LRRC37A3: variants seen among roughly 807,000 people sequenced by gnomAD.
The protein encoded by LRRC37A3 is leucine rich repeat containing 37 member A3.
A neutral mutation model predicts 106.2 loss-of-function variants in LRRC37A3; 25 were observed. That is an observed-to-expected ratio of 0.24 (90% CI 0.17 to 0.33). The LOEUF is 0.33. Among genes scored for constraint, LRRC37A3 ranks in the 10% least tolerant of loss-of-function variants. LRRC37A3 has a pLI of 1.00. For missense variants in LRRC37A3, 712 were observed against 1,644.9 expected, an observed-to-expected ratio of 0.43 and a Z score of 9.81; for synonymous variants, 305 against 635.8, an observed-to-expected ratio of 0.48 and a Z score of 7.83.
chr17:64,860,764 AG>A lies in LRRC37A3; in HGVS notation c.3381del (p.Ser1128GlnfsTer5), dbSNP rs1185149213. ...TSTLSYILPYFSAVNLDVKSL... is the reference protein window; with the variant it reads ...TSTLSYILPYXSAVNLDVKSL... ...GATTTCACATCTAGGTTAACGGCTG[AG>A]AAATAAGGTAAGATGTAACTTAGTG... On this transcript the variant is annotated frameshift_variant, in exon 12 of 15. Coordinates refer to ENST00000584306, the MANE Select transcript of LRRC37A3 (RefSeq NM_199340.5). LOFTEE classifies it high-confidence loss of function. 6.2e-7 allele frequency: 1 copy of A among 1,613,988 alleles called. No individual in the cohort carries two copies.
chr17:64,874,897 G>A (rs1268931312), intron 8 of LRRC37A3, among the ~76,000 whole-genome samples: 10 of 151,630 alleles, frequency 6.6e-5, no homozygotes, highest in Non-Finnish European at 1.5e-4. Context: ...CTTGAAGGCA[G>A]CATGCTCGTT....
chr17:64,872,396 GCCCACATCCCCAAC>G (rs1973354475), intron 8 of LRRC37A3, among the ~76,000 whole-genome samples: 1 of 152,056 alleles, frequency 6.6e-6, no homozygotes, highest in Non-Finnish European at 1.5e-5. Context: ...TTGAAAAACA[GCCCACATCCCCAAC>G]CAGAGGGAGC....
chr17:64,869,508 C>T (rs1322630895), intron 8 of LRRC37A3, among the ~76,000 whole-genome samples: 4 of 151,698 alleles, frequency 2.6e-5, no homozygotes, highest in Non-Finnish European at 4.4e-5. Flanking sequence ...TTCTAGCAAC[C>T]TCCATAATTC....
chr17:64,874,486 C>T (rs1276704816), intron 8 of LRRC37A3, among the ~76,000 whole-genome samples: 2 of 148,602 alleles, frequency 1.3e-5, no homozygotes, highest in African/African-American at 2.5e-5. Context: ...TGGGGGCCAG[C>T]CCCCGCCCGG....
chr17:64,861,705 T>C (rs982390973), intron 11 of LRRC37A3, among the ~76,000 whole-genome samples: 1 of 152,230 alleles, frequency 6.6e-6, no homozygotes, highest in Non-Finnish European at 1.5e-5. Context: ...TCTGGTATGA[T>C]AGCAGTTTCG....
At chr17:64,919,126 CTGCCGCGG>C (rs1422705390) in intron 1 of LRRC37A3, among the ~76,000 whole-genome samples, 1 of 151,648 alleles carries the variant, frequency 6.6e-6, no homozygotes, top group Non-Finnish European at 1.5e-5. Flanking sequence ...GCCCCGGCTG[CTGCCGCGG>C]TGCCGCGAGC....
chr17:64,870,030 C>G (rs930789401), intron 8 of LRRC37A3, among the ~76,000 whole-genome samples: 1 of 151,182 alleles, frequency 6.6e-6, no homozygotes, highest in South Asian at 2.1e-4. Flanking sequence ...CATGTAATCA[C>G]CTGTCCACTT....
intron 4 of LRRC37A3, among the ~76,000 whole-genome samples, chr17:64,893,754 A>C (rs923217609): frequency 7.1e-6 from 1 of 140,460 alleles, no homozygotes; most frequent in South Asian, 2.1e-4. Flanking sequence ...GGTTCACGCC[A>C]TTCTCCTGCC....
chr17:64,909,566 C>T (rs1009273930), intron 2 of LRRC37A3: 1 of 152,130 alleles, frequency 6.6e-6, no homozygotes, highest in African/African-American at 2.4e-5. Context: ...GTATTTTTAT[C>T]CTTCTCCCCA....
chr17:64,858,504 G>A (rs542640758), intron 13 of LRRC37A3, among the ~76,000 whole-genome samples: 6 of 152,166 alleles, frequency 3.9e-5, no homozygotes, highest in Admixed American at 6.5e-5. Flanking sequence ...ACATAGTTTT[G>A]GGTGGGAGAA....
rs981691628 is a variant in LRRC37A3, at chr17:64,860,227, AGC to A, written c.3917_3918del (p.Arg1306LeufsTer29). On this transcript the variant is annotated frameshift_variant, in exon 12 of 15. Transcript: ENST00000584306. LOFTEE classifies it high-confidence loss of function. The stretch of plus-strand genomic sequence containing the variant: ...GTCATGCGGGAGCGAGTTTTGTGAA[AGC>A]GGTATTTTTTTCTGGAATGTACGAT... ...KPIVHSRKKYRFHKTRSRMTH... is the reference protein window; with the variant it reads ...KPIVHSRKKYXFHKTRSRMTH... 4 of 1,613,766 alleles carry A rather than the reference AGC, an allele frequency of 2.5e-6. No individual in the cohort carries two copies. The African/African-American group carries it at 5.3e-5, about 22-fold the overall frequency.
chr17:64,869,114 A>T lies in LRRC37A3; in HGVS notation c.2959T>A (p.Leu987Met), dbSNP rs201604047. ...ACTTACAGATATTTTAATGCTGGCA[A>T]TTTAAAGAGATATGGATCTTCAACA... Reference protein sequence around the residue: ...TTVEDPYLFKLPALKYLDMGT... With the variant: ...TTVEDPYLFKMPALKYLDMGT... Residue 987 changes from leucine to methionine, a missense_variant, in exon 9 of 15, where the codon TTG becomes ATG. Transcript: ENST00000584306. The T allele has an allele frequency of 9.2e-5, 149 of 1,612,386 alleles. 2 individuals are homozygous for T. Among genetic ancestry groups the T allele is most frequent in the Non-Finnish European group, 1.1e-5 (13 of 1,179,452 alleles).
chr17:64,866,622 ATATATATT>A (rs1388374674), intron 10 of LRRC37A3, among the ~76,000 whole-genome samples: 8 of 24,514 alleles, frequency 3.3e-4, no homozygotes, highest in Non-Finnish European at 4.0e-4. Flanking sequence ...ATATATATAT[ATATATATT>A]TTTTTTTTTT....
chr17:64,868,721 C>T (rs1389202618), intron 9 of LRRC37A3, among the ~76,000 whole-genome samples, 185 bp from the exon 10 acceptor site: 2 of 151,588 alleles, frequency 1.3e-5, no homozygotes, highest in African/African-American at 2.4e-5. Context: ...TACTCAAGAG[C>T]AGAACTTACA....
In LRRC37A3 at chr17:64,897,229, G is replaced by C; in HGVS notation, c.29C>G (p.Ala10Gly). 6.2e-7 allele frequency: 1 copy of C among 1,609,502 alleles called. No homozygotes were observed. The highest frequency in any genetic ancestry group is 8.5e-7 in the Non-Finnish European group (1 of 1,179,872). ...GAAACGCAGCGGGGACATGACACAC[G>C]CTAGTGCCGGGCACTGAGCGGAAGT... MTSAQCPAL[A>G]CVMSPLRFWG... Residue 10 changes from alanine (A) to glycine (G), a missense_variant, in exon 4 of 15, where the codon GCG becomes GGG. Ala to Gly is a moderately conservative substitution (Grantham distance 60). Coordinates refer to ENST00000584306, the MANE Select transcript of LRRC37A3 (RefSeq NM_199340.5).
intron 8 of LRRC37A3, among the ~76,000 whole-genome samples, chr17:64,876,265 C>T (rs71377784): frequency 6.6e-6 from 1 of 152,226 alleles, no homozygotes. Flanking sequence ...TCACTGCAGC[C>T]CCAATCTCCC....
Position 64,870,664 on chromosome 17 carries a change from A to G in LRRC37A3, c.2907-1498T>C, listed in dbSNP as rs1973280979. Among the ~76,000 whole-genome samples, 5 of 152,244 alleles carry G rather than the reference A, an allele frequency of 3.3e-5. No homozygotes were observed. In the South Asian group the frequency reaches 1.0e-3, roughly 31 times the overall value. ...TTATATAACTTGTCCTAGGTCACCA[A>G]GCTATTAAGCAGCAAAGCTGTAATT... is the stretch of plus-strand genomic sequence containing the variant. On this transcript the variant is annotated intron_variant, in intron 8 of 14. Transcript: ENST00000584306.
intron 10 of LRRC37A3, chr17:64,863,421 C>G (rs1245873378): frequency 4.6e-6 from 1 of 216,458 alleles, no homozygotes; most frequent in East Asian, 1.3e-4. Context: ...TTATAAATTA[C>G]TCTGGGCATT....
rs572839183 is a variant in LRRC37A3 at position 64,856,989 on chromosome 17, A to AAAAGG, written c.4810-1105_4810-1101dup. 7.0e-3 allele frequency among the ~76,000 whole-genome samples: 1,060 copies of AAAAGG among 152,122 alleles called. 17 individuals carry two copies. The highest frequency in any genetic ancestry group is 0.024 in the African/African-American group (984 of 41,426). On this transcript the variant is annotated intron_variant, in intron 13 of 14. Coordinates refer to ENST00000584306, the MANE Select transcript of LRRC37A3 (RefSeq NM_199340.5). ...ACAACAAGGCCCTGAGAAGGGAAAA[A>AAAAGG]AAAGGAAAGGAAAGGAAAGGAAAAA... is the stretch of plus-strand genomic sequence containing the variant.
Sources: allele counts gnomAD v4.1 joint callset (sites outside exome capture counted in the v4.1 genomes callset), GRCh38; gene constraint gnomAD v4.1.1; transcripts MANE v1.5; gene names NCBI Gene and HGNC (gene_info 2026-07-23, HGNC 2026-07-21).